Variants in STK24 observed in about 807,000 individuals in gnomAD.
The protein encoded by STK24 is serine/threonine kinase 24, also known as serine/threonine-protein kinase 24.
STK24 carries 21 observed loss-of-function variants against 55.6 expected under a neutral mutation model. That is an observed-to-expected ratio of 0.38 (90% CI 0.27 to 0.54). STK24 has a LOEUF of 0.54. STK24 is among the 20% of genes least tolerant of loss of function. The probability of loss-of-function intolerance (pLI) is 0.79; values close to 1 mark genes in which losing one functional copy is unlikely to be tolerated. For missense variants in STK24, 383 were observed against 538.4 expected (o/e 0.71, Z 2.86); for synonymous variants, 200 against 215.2 (o/e 0.93, Z 0.62).
intron 10 of STK24, chr13:98,454,061 C>G (rs1893333065): frequency 6.6e-6 from 1 of 152,090 alleles, no homozygotes. Context: ...TATATGTGCA[C>G]TATATAAGTA....
intron 1 of STK24, among the ~76,000 whole-genome samples, chr13:98,533,198 G>A (rs1314644243): frequency 6.6e-6 from 1 of 151,964 alleles, no homozygotes; most frequent in Non-Finnish European, 1.5e-5. Flanking sequence ...AGCCAACATG[G>A]TGAAACCCCA....
chr13:98,560,492 C>A (rs1897389813), intron 1 of STK24, among the ~76,000 whole-genome samples: 1 of 152,182 alleles, frequency 6.6e-6, no homozygotes, highest in African/African-American at 2.4e-5. Flanking sequence ...TTAACTAAAT[C>A]AACAGGCTGA....
intron 1 of STK24, among the ~76,000 whole-genome samples, chr13:98,575,111 A>G (rs6491432): frequency 0.99 from 150,561 of 152,228 alleles, 74,472 homozygotes; most frequent in East Asian, 1. Flanking sequence ...TTGCTCGACT[A>G]GTAAGAAATT....
intron 1 of STK24, among the ~76,000 whole-genome samples, chr13:98,571,564 A>G (rs1364989614): frequency 6.6e-6 from 1 of 152,182 alleles, no homozygotes; most frequent in African/African-American, 2.4e-5. Flanking sequence ...TCCCCCTCAA[A>G]AAAGAACACT....
At position 98,460,575 on chromosome 13, in the gene STK24, G is replaced by A. The variant is rs545373572; in HGVS notation, c.1054-135C>T. 1.3e-5 allele frequency: 9 copies of A among 669,124 alleles called. 1 individual carries two copies. Among genetic ancestry groups the A allele is most frequent in the East Asian group, 1.1e-4 (4 of 36,114 alleles). 41.4% of individuals were successfully genotyped at this position (669,124 alleles called of 1,614,324 possible). On this transcript the variant is annotated intron_variant, in intron 8 of 10. Coordinates refer to ENST00000539966, the MANE Select transcript of STK24 (RefSeq NM_001032296.4). ...TTCACGCTGAGGAAACACCCTCTGC[G>A]CACCATAACATCTGAAGGAGACTAT...
chr13:98,548,021 C>A (rs1232733152), intron 1 of STK24, among the ~76,000 whole-genome samples: 1 of 152,174 alleles, frequency 6.6e-6, no homozygotes, highest in Admixed American at 6.5e-5. Context: ...ACTTCCCGCT[C>A]CAGCAGCAAA....
chr13:98,482,241 T>C, intron 3 of STK24, 24 bp downstream of exon 3: 2 of 1,402,398 alleles, frequency 1.4e-6, no homozygotes, highest in Non-Finnish European at 1.9e-6. Flanking sequence ...TTGATACGTA[T>C]TCTGCATCCA....
intron 9 of STK24, among the ~76,000 whole-genome samples, chr13:98,458,288 G>GAA (rs1487318568): frequency 2.1e-4 from 32 of 152,160 alleles, no homozygotes; most frequent in Non-Finnish European, 3.4e-4. Context: ...ATACAGCATG[G>GAA]CTCAGAACTC....
intron 1 of STK24, among the ~76,000 whole-genome samples, chr13:98,570,881 G>A (rs1158710033): frequency 2.0e-5 from 3 of 152,120 alleles, no homozygotes; most frequent in African/African-American, 4.8e-5. Flanking sequence ...CTACTCCGAC[G>A]ACAGTGGCTG....
At chr13:98,474,746 T>C (rs1894298353) in intron 5 of STK24, 75 bp downstream of exon 5, 3 of 1,513,124 alleles carry the variant, frequency 2.0e-6, no homozygotes, top group Non-Finnish European at 2.7e-6. Context: ...TTAGAAAAGC[T>C]ACCAGGCTAA....
intron 1 of STK24, chr13:98,521,991 A>G (rs1896277181): frequency 7.0e-7 from 1 of 1,438,520 alleles, no homozygotes; most frequent in Admixed American, 2.5e-5. Flanking sequence ...CACTCTCCCT[A>G]ACCCAAAGCC....
At chr13:98,542,307 G>A (rs1896910767) in intron 1 of STK24, among the ~76,000 whole-genome samples, 1 of 152,042 alleles carries the variant, frequency 6.6e-6, no homozygotes, top group African/African-American at 2.4e-5. Flanking sequence ...GCTGAGTAGG[G>A]ACCATTCCAG....
chr13:98,514,507 G>A (rs1417004776), intron 2 of STK24, among the ~76,000 whole-genome samples: 4 of 152,182 alleles, frequency 2.6e-5, no homozygotes, highest in African/African-American at 4.8e-5. Context: ...CTCACCAAGG[G>A]ACTTTCCCAT....
chr13:98,476,740 G>A (rs771961442), intron 3 of STK24, among the ~76,000 whole-genome samples: 15 of 152,098 alleles, frequency 9.9e-5, no homozygotes, highest in East Asian at 1.9e-4. Flanking sequence ...CCTGCTTTCC[G>A]GCCCATGGGT....
chr13:98,483,436 C>A (rs887569804), intron 2 of STK24, among the ~76,000 whole-genome samples: 1 of 152,130 alleles, frequency 6.6e-6, no homozygotes, highest in Non-Finnish European at 1.5e-5. Flanking sequence ...CTCTTTGGTC[C>A]CTTTGGGAGA....
intron 6 of STK24, among the ~76,000 whole-genome samples, chr13:98,465,268 A>C (rs1321858221): frequency 2.6e-5 from 4 of 152,226 alleles, no homozygotes; most frequent in African/African-American, 4.8e-5. Context: ...CACCTCAAGT[A>C]TTCTCCCTCC....
rs373314783 is a variant in STK24 at position 98,475,239 on chromosome 13, T to C, written c.439+11A>G. 14 of 1,592,618 alleles carry C rather than the reference T, an allele frequency of 8.8e-6. No homozygotes were observed. Among genetic ancestry groups the C allele is most frequent in the East Asian group, 6.7e-5 (3 of 44,770 alleles). On this transcript the variant is annotated intron_variant, in intron 4 of 10. Coordinates refer to ENST00000539966, the MANE Select transcript of STK24 (RefSeq NM_001032296.4). Reference sequence around the variant, plus strand: ...AGTATTTCAAAGGAATGAAAACGGATGTCCTCTTACCTTTAATGTCTCTGT... The same window carrying C: ...AGTATTTCAAAGGAATGAAAACGGACGTCCTCTTACCTTTAATGTCTCTGT...
At chr13:98,490,798 C>T (rs1430209687) in intron 2 of STK24, among the ~76,000 whole-genome samples, 1 of 151,228 alleles carries the variant, frequency 6.6e-6, no homozygotes, top group Non-Finnish European at 1.5e-5. Context: ...TCAACGTCTC[C>T]AACCCACTCC....
At chr13:98,475,492 G>C (rs2139288301) in intron 3 of STK24, 134 bp from the exon 4 acceptor site, 1 of 619,248 alleles carries the variant, frequency 1.6e-6, no homozygotes, top group Middle Eastern at 4.4e-4. Flanking sequence ...TAAAACACAT[G>C]ATTTTGCCCT....
Sources: allele counts gnomAD v4.1 joint callset (sites outside exome capture counted in the v4.1 genomes callset), GRCh38; gene constraint gnomAD v4.1.1; transcripts MANE v1.5; gene names NCBI Gene and HGNC (gene_info 2026-07-23, HGNC 2026-07-21).